UBE2E2: variants seen among roughly 807,000 people sequenced by gnomAD.
The protein encoded by UBE2E2 is ubiquitin-conjugating enzyme E2 E2.
A neutral mutation model predicts 24.7 loss-of-function variants in UBE2E2; 6 were observed. The observed-to-expected ratio is 0.24, with a 90% CI of 0.13 to 0.48. UBE2E2 has a LOEUF of 0.48. Ranked by LOEUF, UBE2E2 falls within the 20% of genes least tolerant of loss-of-function variation. The pLI, the probability that UBE2E2 is intolerant of heterozygous loss-of-function variation, is 0.99. For missense variants in UBE2E2, 169 were observed against 245.0 expected (o/e 0.69, Z 2.07); for synonymous variants, 104 against 83.6 (o/e 1.24, Z -1.33).
intron 3 of UBE2E2, among the ~76,000 whole-genome samples, chr3:23,290,972 G>A (rs1321949754): frequency 6.6e-6 from 1 of 151,238 alleles, no homozygotes; most frequent in Non-Finnish European, 1.5e-5. Context: ...GGGAGGCTGA[G>A]GTGGGAAGAT....
chr3:23,567,516 G>T (rs1263650306), intron 5 of UBE2E2, among the ~76,000 whole-genome samples: 1 of 152,124 alleles, frequency 6.6e-6, no homozygotes, highest in Admixed American at 6.5e-5. Flanking sequence ...CCAAGCAAAA[G>T]GTCACTTATA....
chr3:23,234,204 T>C (rs1697040250), intron 3 of UBE2E2, among the ~76,000 whole-genome samples: 1 of 151,976 alleles, frequency 6.6e-6, no homozygotes, highest in Non-Finnish European at 1.5e-5. Context: ...TGTGCCCTTT[T>C]TTTTTTTTCT....
At chr3:23,254,438 G>A (rs1291019493) in intron 3 of UBE2E2, among the ~76,000 whole-genome samples, 1 of 152,112 alleles carries the variant, frequency 6.6e-6, no homozygotes, top group Non-Finnish European at 1.5e-5. Flanking sequence ...TCCAGTAGCC[G>A]GTGTTTAAGA....
chr3:23,432,943 GAT>G (rs1698097573), intron 3 of UBE2E2, among the ~76,000 whole-genome samples: 4 of 151,938 alleles, frequency 2.6e-5, no homozygotes, highest in African/African-American at 9.6e-5. Context: ...ATGATAGAAA[GAT>G]TCTTGATTAT....
intron 3 of UBE2E2, among the ~76,000 whole-genome samples, chr3:23,218,305 GTAA>G (rs1437705988): frequency 6.6e-6 from 1 of 152,096 alleles, no homozygotes; most frequent in Non-Finnish European, 1.5e-5. Context: ...TAAACTTACA[GTAA>G]TAATATTCAA....
At chr3:23,362,707 C>G (rs1371884158) in intron 3 of UBE2E2, among the ~76,000 whole-genome samples, 3 of 152,064 alleles carry the variant, frequency 2.0e-5, no homozygotes, top group African/African-American at 7.2e-5. Context: ...TGTGAACTTA[C>G]CAAGAGGGTG....
At chr3:23,236,119 A>C (rs1697101088) in intron 3 of UBE2E2, among the ~76,000 whole-genome samples, 1 of 152,172 alleles carries the variant, frequency 6.6e-6, no homozygotes, top group Non-Finnish European at 1.5e-5. Flanking sequence ...TCTAGGGGGT[A>C]GGAGGAAAAC....
intron 5 of UBE2E2, among the ~76,000 whole-genome samples, chr3:23,567,803 T>G (rs1295803292): frequency 6.6e-6 from 1 of 152,228 alleles, no homozygotes; most frequent in East Asian, 1.9e-4. Context: ...TACTGCATGG[T>G]CATCTGTGGT....
At chr3:23,509,583 GT>G (rs919135960) in intron 4 of UBE2E2, among the ~76,000 whole-genome samples, 3 of 151,704 alleles carry the variant, frequency 2.0e-5, no homozygotes, top group African/African-American at 4.8e-5. Context: ...TAATATATAT[GT>G]TTTTTTATTA....
At chr3:23,470,757 T>A (rs79535803) in intron 3 of UBE2E2, among the ~76,000 whole-genome samples, 4,592 of 152,226 alleles carry the variant, frequency 0.03, 112 homozygotes, top group East Asian at 0.13. Flanking sequence ...AGGAATTTAA[T>A]AAGTATATAT....
At chr3:23,460,120 T>C (rs1207255847) in intron 3 of UBE2E2, among the ~76,000 whole-genome samples, 1 of 152,150 alleles carries the variant, frequency 6.6e-6, no homozygotes, top group Non-Finnish European at 1.5e-5. Context: ...TTTCAAGTTA[T>C]TTTTATTATT....
intron 3 of UBE2E2, among the ~76,000 whole-genome samples, chr3:23,370,383 G>T (rs1243092480): frequency 6.6e-6 from 1 of 152,260 alleles, no homozygotes; most frequent in Non-Finnish European, 1.5e-5. Flanking sequence ...TGTTGAAATT[G>T]ATTAACTAGA....
At chr3:23,303,911 A>G (rs1213853939) in intron 3 of UBE2E2, among the ~76,000 whole-genome samples, 2 of 152,100 alleles carry the variant, frequency 1.3e-5, no homozygotes, top group African/African-American at 2.4e-5. Flanking sequence ...GCAAATTTCA[A>G]CCAATGTAAT....
chr3:23,533,398 T>A (rs1695171346), intron 5 of UBE2E2, among the ~76,000 whole-genome samples: 1 of 152,250 alleles, frequency 6.6e-6, no homozygotes, highest in Middle Eastern at 3.4e-3. Flanking sequence ...ATTTTATGAG[T>A]AATTAATAGC....
At chr3:23,313,179 A>G (rs1034281493) in intron 3 of UBE2E2, among the ~76,000 whole-genome samples, 1 of 151,892 alleles carries the variant, frequency 6.6e-6, no homozygotes, top group African/African-American at 2.4e-5. Context: ...CTGTTATATC[A>G]TCTTGCTAAT....
chr3:23,238,946 G>A (rs1310679618), intron 3 of UBE2E2, among the ~76,000 whole-genome samples: 2 of 152,104 alleles, frequency 1.3e-5, no homozygotes, highest in Non-Finnish European at 2.9e-5. Context: ...ACCTCTAGCC[G>A]GAGAAAGAAG....
At chr3:23,581,187 A>G (rs1159876250) in intron 5 of UBE2E2, among the ~76,000 whole-genome samples, 2 of 152,094 alleles carry the variant, frequency 1.3e-5, no homozygotes, top group Non-Finnish European at 2.9e-5. Context: ...CCTCCAGAGT[A>G]GCTGGGACTA....
chr3:23,568,273 C>G (rs1000653343), intron 5 of UBE2E2, among the ~76,000 whole-genome samples: 2 of 152,100 alleles, frequency 1.3e-5, no homozygotes, highest in Admixed American at 6.5e-5. Context: ...CTACTCTTAC[C>G]CACTGAAGAG....
chr3:23,479,500 TTCTC>T (rs1231059224), intron 3 of UBE2E2, among the ~76,000 whole-genome samples: 1 of 152,178 alleles, frequency 6.6e-6, no homozygotes, highest in Non-Finnish European at 1.5e-5. Flanking sequence ...GCCGTAGCTC[TTCTC>T]TCTTTCTCTT....
Sources: allele counts gnomAD v4.1 joint callset (sites outside exome capture counted in the v4.1 genomes callset), GRCh38; gene constraint gnomAD v4.1.1; transcripts MANE v1.5; gene names NCBI Gene and HGNC (gene_info 2026-07-23, HGNC 2026-07-21).